Variants in PRDM2 observed in about 807,000 individuals in gnomAD.
PRDM2 encodes the protein PR/SET domain 2.
A neutral mutation model predicts 130.0 loss-of-function variants in PRDM2; 30 were observed. The ratio of observed to expected loss-of-function variants is 0.23; its 90% CI spans 0.17 to 0.31. The LOEUF is 0.31. PRDM2 is among the 10% of genes least tolerant of loss of function. The probability of loss-of-function intolerance (pLI) is 1.00; values close to 1 mark genes in which losing one functional copy is unlikely to be tolerated. For missense variants in PRDM2, 2,011 were observed against 2,108.4 expected (o/e 0.95, Z 0.90); for synonymous variants, 871 against 782.4 (o/e 1.11, Z -1.89).
In PRDM2 at chr1:13,749,501, GGCCCGCCCGCCCGGCCCCGGCGCCAC is replaced by G; in HGVS notation, c.511+23_511+48del. On this transcript the variant is annotated intron_variant, in intron 6 of 9. Transcript: ENST00000311066. ...AGAGCCGGAAAGGTAGGAGCCCCCC[GGCCCGCCCGCCCGGCCCCGGCGCCAC>G]GCCCGCCCAGGACGCCGCCCTGCCG... 1 of 1,344,886 alleles carries G rather than the reference GGCCCGCCCGCCCGGCCCCGGCGCCAC, an allele frequency of 7.4e-7. No homozygotes were observed. The allele number at this position is 1,344,886 out of a possible 1,614,324, so 83.3% of individuals were successfully genotyped here. A position where few individuals can be genotyped will look rare whatever the true frequency, so the allele number is the denominator to read the frequency against.
intron 6 of PRDM2, among the ~76,000 whole-genome samples, chr1:13,762,000 G>A (rs374177856): frequency 2.0e-5 from 3 of 152,184 alleles, no homozygotes; most frequent in South Asian, 2.1e-4. Context: ...GAAGCAGAAC[G>A]CCATTGTCTT....
intron 1 of PRDM2, among the ~76,000 whole-genome samples, chr1:13,712,043 C>G (rs1481485269): frequency 7.0e-6 from 1 of 143,334 alleles, no homozygotes; most frequent in Non-Finnish European, 1.5e-5. Context: ...GGTGAGACTC[C>G]ATCTCTACCC....
chr1:13,786,454 A>G lies in PRDM2; in HGVS notation c.5036+3623A>G, dbSNP rs190242560. The G allele has an allele frequency of 8.9e-6, 14 of 1,580,798 alleles. No individual in the cohort carries two copies. In the African/African-American group the frequency reaches 1.5e-4, roughly 17 times the overall value. On this transcript the variant is annotated intron_variant, in intron 8 of 9. Coordinates refer to ENST00000311066, the MANE Select transcript of PRDM2 (RefSeq NM_001393986.1). ...CGGTCTATTCACCTTTTTCTTTAAC[A>G]TGGTCAATCATGTAAGGTTATGTTC... is the stretch of plus-strand genomic sequence containing the variant.
In PRDM2 at chr1:13,780,724, C is replaced by T; in HGVS notation, c.2929C>T (p.Pro977Ser). 1 of 1,586,916 alleles carries T rather than the reference C, an allele frequency of 6.3e-7. No homozygotes were observed. Among genetic ancestry groups the T allele is most frequent in the South Asian group, 1.1e-5 (1 of 88,318 alleles). ...AGATCCCTCTTCCCCTCCACCCTGTCCCCCGGTATTAACTGTTGCCACTCC... is the reference window on the plus strand; with the variant it reads ...AGATCCCTCTTCCCCTCCACCCTGTTCCCCGGTATTAACTGTTGCCACTCC... ...PTDPSSPPPCPPVLTVATPPP... is the reference protein window; with the variant it reads ...PTDPSSPPPCSPVLTVATPPP... The change falls in exon 8 of 10, where the codon CCC (proline) becomes TCC (serine). Residue 977 changes from proline to serine, a missense_variant. Physicochemically the swap from Pro to Ser is moderately conservative, Grantham distance 74. Transcript: ENST00000311066.
At chr1:13,816,240 G>T (rs1324205341) in intron 8 of PRDM2, among the ~76,000 whole-genome samples, 187 bp from the exon 9 acceptor site, 1 of 152,170 alleles carries the variant, frequency 6.6e-6, no homozygotes, top group Non-Finnish European at 1.5e-5. Context: ...ATGGAGAAGT[G>T]CACATTGGTG....
At chr1:13,819,248 A>G (rs562975900) in intron 9 of PRDM2, among the ~76,000 whole-genome samples, 2 of 152,250 alleles carry the variant, frequency 1.3e-5, no homozygotes, top group Non-Finnish European at 2.9e-5. Context: ...GGCCATGACG[A>G]AGATGAAATG....
chr1:13,782,570 C>T lies in PRDM2; in HGVS notation c.4775C>T (p.Pro1592Leu), dbSNP rs981582368. ...ATAACTCATGTTGAGGGGAAAAAAC[C>T]TAAAGCTGTGGCCAAGAATCATTCT... ...AKITHVEGKK[P>L]KAVAKNHSAQ... Residue 1592 changes from proline (P) to leucine (L), a missense_variant, in exon 8 of 10, where the codon CCT becomes CTT. Around this residue, in one of 5 missense-constraint regions of PRDM2, gnomAD observed 410 missense variants for 395.9 expected, o/e 1.04. Transcript: ENST00000311066. 6.2e-7 allele frequency: 1 copy of T among 1,614,190 alleles called. No individual in the cohort carries two copies. The highest frequency in any genetic ancestry group is 8.5e-7 in the Non-Finnish European group (1 of 1,180,044).
chr1:13,713,825 A>T (rs909267837), intron 1 of PRDM2, among the ~76,000 whole-genome samples: 1 of 152,152 alleles, frequency 6.6e-6, no homozygotes, highest in Non-Finnish European at 1.5e-5. Context: ...TCAGGTGTGC[A>T]CATCTGAGGG....
chr1:13,816,333 AGTG>A lies in PRDM2; in HGVS notation c.5037-90_5037-88del, dbSNP rs905490715. The A allele has an allele frequency of 5.5e-5, 81 of 1,473,714 alleles. 2 individuals are homozygous for A. In the African/African-American group the frequency reaches 8.8e-4, roughly 16 times the overall value. The allele number at this position is 1,473,714 out of a possible 1,614,324, so 91.3% of individuals were successfully genotyped here. ...AGTGCAATCCTATCCTGGCCTGGGA[AGTG>A]GTGACCAGCACTAAGGAAGCCCCCC... is the stretch of plus-strand genomic sequence containing the variant. On this transcript the variant is annotated intron_variant, in intron 8 of 9. Coordinates refer to ENST00000311066, the MANE Select transcript of PRDM2 (RefSeq NM_001393986.1).
chr1:13,773,067 T>A lies in PRDM2; in HGVS notation c.512-11T>A, dbSNP rs1156575294. 1.4e-6 allele frequency: 2 copies of A among 1,402,386 alleles called. No individual in the cohort carries two copies. 86.9% of individuals were successfully genotyped at this position (1,402,386 alleles called of 1,614,324 possible). A position where few individuals can be genotyped will look rare whatever the true frequency, so the allele number is the denominator to read the frequency against. ...AAATGAATGAATAAATTAAAAAAAA[T>A]TGTGTTTCAGGGAAGAAAAAATCCC... On this transcript the variant is annotated splice_polypyrimidine_tract_variant and intron_variant, in intron 6 of 9. Transcript: ENST00000311066.
intron 8 of PRDM2, among the ~76,000 whole-genome samples, chr1:13,805,843 C>T (rs780811279): frequency 1.3e-5 from 2 of 152,168 alleles, no homozygotes; most frequent in Non-Finnish European, 1.5e-5. Flanking sequence ...ATGCCCATGG[C>T]GGTCTGGCAG....
intron 4 of PRDM2, chr1:13,738,825 T>C (rs1643349829): frequency 6.6e-6 from 1 of 152,190 alleles, no homozygotes; most frequent in African/African-American, 2.4e-5. Context: ...CCCGTTTTTG[T>C]CTGTAGTCAC....
intron 7 of PRDM2, among the ~76,000 whole-genome samples, chr1:13,776,154 T>C (rs1255487825): frequency 6.6e-6 from 1 of 152,134 alleles, no homozygotes; most frequent in African/African-American, 2.4e-5. Context: ...TTCTACAGTT[T>C]CGTTGCCTTC....
At chr1:13,726,400 G>C (rs1989152) in intron 2 of PRDM2, among the ~76,000 whole-genome samples, 152,298 of 152,298 alleles carry the variant, frequency 1, 76,149 homozygotes, top group Non-Finnish European at 1. Context: ...ATCAAAATCT[G>C]TCCAAGGTTT....
intron 1 of PRDM2, among the ~76,000 whole-genome samples, chr1:13,705,806 A>AC (rs1642191508): frequency 6.6e-6 from 1 of 151,914 alleles, no homozygotes; most frequent in Non-Finnish European, 1.5e-5. Context: ...ACATGGTGAA[A>AC]CCCCATCTCT....
At position 13,780,774 on chromosome 1, in the gene PRDM2, A is replaced by T. The variant is rs754355690; in HGVS notation, c.2979A>T (p.Val993=). The T allele has an allele frequency of 1.3e-6, 2 of 1,520,128 alleles. No individual in the cohort carries two copies. The highest frequency in any genetic ancestry group is 2.4e-5 in the East Asian group (1 of 42,262). The allele number at this position is 1,520,128 out of a possible 1,614,324, so 94.2% of individuals were successfully genotyped here. ...CGCCCCCTCCCCTCCTTCCTACCGTACCTCTTCCAGCCCCCTCTTCCAGTG... is the reference window on the plus strand; with the variant it reads ...CGCCCCCTCCCCTCCTTCCTACCGTTCCTCTTCCAGCCCCCTCTTCCAGTG... ...ATPPPPLLPT[V]PLPAPSSSAS... Residue 993 remains valine, a synonymous_variant, in exon 8 of 10, where the codon GTA becomes GTT. Transcript: ENST00000311066.
At chr1:13,709,429 A>AC (rs1281976403) in intron 1 of PRDM2, among the ~76,000 whole-genome samples, 1 of 152,094 alleles carries the variant, frequency 6.6e-6, no homozygotes, top group African/African-American at 2.4e-5. Context: ...ATCAATAAAA[A>AC]CTGTTTTTGA....
At chr1:13,817,916 C>T (rs940359246) in intron 9 of PRDM2, among the ~76,000 whole-genome samples, 2 of 152,106 alleles carry the variant, frequency 1.3e-5, no homozygotes, top group African/African-American at 4.8e-5. Flanking sequence ...AGGAGAATGG[C>T]GTGAATGCAG....
At position 13,781,877 on chromosome 1, in the gene PRDM2, A is replaced by G; in HGVS notation, c.4082A>G (p.Lys1361Arg). 1 of 1,614,214 alleles carries G rather than the reference A, an allele frequency of 6.2e-7. No homozygotes were observed. Among genetic ancestry groups the G allele is most frequent in the South Asian group, 1.1e-5 (1 of 91,084 alleles). ...CTGGCTTGTGCTTCTGCAAGTGACA[A>G]GAAGAGGTACACGCCTAAGAAAAAC... ...HILACASASD[K>R]KRYTPKKNPV... The change falls in exon 8 of 10, where the codon AAG becomes AGG. Residue 1361 changes from lysine to arginine, a missense_variant. Transcript: ENST00000311066. This position sits in a 1 kb window ranked among gnomAD's most constrained non-coding sequence, Gnocchi z 6.1.
Sources: allele counts gnomAD v4.1 joint callset (sites outside exome capture counted in the v4.1 genomes callset), GRCh38; gene constraint gnomAD v4.1.1; regional missense constraint gnomAD v4.1.1; non-coding constraint Gnocchi (gnomAD v3.1); transcripts MANE v1.5; gene names NCBI Gene and HGNC (gene_info 2026-07-23, HGNC 2026-07-21).